MSRA: variants seen among roughly 807,000 people sequenced by gnomAD.
MSRA encodes mitochondrial peptide methionine sulfoxide reductase.
Under a neutral mutation model 31.3 loss-of-function variants are expected in MSRA, and 54 were observed. That is an observed-to-expected ratio of 1.73 (90% CI 1.39 to 2.17). The LOEUF is 2.17. Ranked by LOEUF, MSRA falls within the 30% of genes most tolerant of loss-of-function variation. The pLI is 0.00. For missense variants in MSRA, 507 were observed against 300.9 expected (o/e 1.69, Z -5.07); for synonymous variants, 169 against 116.5 (o/e 1.45, Z -2.90).
chr8:10,182,458 C>T (rs1806629026), intron 1 of MSRA, among the ~76,000 whole-genome samples: 1 of 152,198 alleles, frequency 6.6e-6, no homozygotes, highest in African/African-American at 2.4e-5. Flanking sequence ...AGGCTACCCT[C>T]AAGATGTTAG....
chr8:10,314,983 C>T (rs550734557), intron 4 of MSRA, among the ~76,000 whole-genome samples: 57 of 152,292 alleles, frequency 3.7e-4, no homozygotes, highest in Non-Finnish European at 6.5e-4. Context: ...CCCCAAGTTC[C>T]ACATGGCTGG....
intron 1 of MSRA, among the ~76,000 whole-genome samples, chr8:10,147,259 G>A (rs1478595113): frequency 6.6e-6 from 1 of 152,122 alleles, no homozygotes; most frequent in African/African-American, 2.4e-5. Context: ...TGGATTCAAG[G>A]AACCGGCGAT....
chr8:10,234,134 G>C (rs1229551413), intron 2 of MSRA, among the ~76,000 whole-genome samples: 1 of 152,016 alleles, frequency 6.6e-6, no homozygotes, highest in African/African-American at 2.4e-5. Context: ...CTCATAGACA[G>C]TTACTATAAA....
intron 2 of MSRA, among the ~76,000 whole-genome samples, chr8:10,238,158 C>T (rs888814992): frequency 6.6e-6 from 1 of 152,178 alleles, no homozygotes; most frequent in Non-Finnish European, 1.5e-5. Context: ...TTAGAAATAG[C>T]AGGCACATTC....
At chr8:10,178,941 T>C (rs1182824084) in intron 1 of MSRA, among the ~76,000 whole-genome samples, 1 of 152,184 alleles carries the variant, frequency 6.6e-6, no homozygotes, top group African/African-American at 2.4e-5. Flanking sequence ...TCTTGGTAAT[T>C]TTGTTGGTTT....
chr8:10,385,693 G>A (rs1049086435), intron 5 of MSRA, among the ~76,000 whole-genome samples: 1 of 152,126 alleles, frequency 6.6e-6, no homozygotes, highest in Non-Finnish European at 1.5e-5. Flanking sequence ...AAGAGGCAGT[G>A]AAGTCATGGT....
At chr8:10,301,169 G>T (rs1348848490) in intron 3 of MSRA, among the ~76,000 whole-genome samples, 1 of 152,120 alleles carries the variant, frequency 6.6e-6, no homozygotes, top group East Asian at 1.9e-4. Context: ...AAATAAATTG[G>T]CTCTTTCCCT....
At chr8:10,224,820 T>C (rs996875909) in intron 2 of MSRA, among the ~76,000 whole-genome samples, 2 of 152,210 alleles carry the variant, frequency 1.3e-5, no homozygotes, top group Non-Finnish European at 2.9e-5. Context: ...CTGCAGAACC[T>C]AATTTCAATC....
chr8:10,421,671 C>A (rs1808818762), intron 5 of MSRA, among the ~76,000 whole-genome samples: 1 of 152,166 alleles, frequency 6.6e-6, no homozygotes, highest in African/African-American at 2.4e-5. Context: ...ACGGATGGGA[C>A]CTGCTGTGCC....
intron 1 of MSRA, among the ~76,000 whole-genome samples, chr8:10,151,667 A>C (rs1438834911): frequency 2.0e-5 from 3 of 152,136 alleles, no homozygotes; most frequent in Non-Finnish European, 4.4e-5. Context: ...AAACAAAACA[A>C]AGAGAACATT....
At position 10,079,102 on chromosome 8, in the gene MSRA, G is replaced by A. The variant is rs1361614172; in HGVS notation, c.142+24444G>A. On this transcript the variant is annotated intron_variant, in intron 1 of 5. Transcript: ENST00000317173. ...CCGCAGAGTTTAGCGTTGCCCGCAG[G>A]CTCATAGGTGTCAAGAACCAGGTGA... Among the ~76,000 whole-genome samples the A allele has an allele frequency of 2.6e-5, 4 of 152,102 alleles. No homozygotes were observed. In the East Asian group the frequency reaches 7.7e-4, roughly 29 times the overall value.
At chr8:10,245,299 T>C in intron 3 of MSRA, 76 bp downstream of exon 3, 1 of 1,340,104 alleles carries the variant, frequency 7.5e-7, no homozygotes, top group Non-Finnish European at 1.0e-6. Flanking sequence ...TGACAGGCTC[T>C]TTAAAATGGA....
At chr8:10,096,993 GC>G (rs1799201187) in intron 1 of MSRA, among the ~76,000 whole-genome samples, 2 of 152,162 alleles carry the variant, frequency 1.3e-5, no homozygotes, top group African/African-American at 4.8e-5. Flanking sequence ...ATAAAAGACT[GC>G]CCCTGGATCT....
intron 1 of MSRA, among the ~76,000 whole-genome samples, chr8:10,153,252 C>T (rs1803865185): frequency 6.6e-6 from 1 of 152,110 alleles, no homozygotes; most frequent in Non-Finnish European, 1.5e-5. Flanking sequence ...GGACCGTTGT[C>T]TGGGGGGAGC....
chr8:10,322,834 C>T (rs113074282), intron 5 of MSRA, among the ~76,000 whole-genome samples: 2 of 152,036 alleles, frequency 1.3e-5, no homozygotes, highest in Non-Finnish European at 2.9e-5. Flanking sequence ...ACTCACGCCT[C>T]TAATCCCAGC....
In MSRA at chr8:10,391,306, A is replaced by T. The variant is rs969547242; in HGVS notation, c.544-36842A>T. 5.9e-5 allele frequency among the ~76,000 whole-genome samples: 9 copies of T among 152,302 alleles called. No individual in the cohort carries two copies. The East Asian group carries it at 1.5e-3, about 26-fold the overall frequency. On this transcript the variant is annotated intron_variant, in intron 5 of 5. Coordinates refer to ENST00000317173, the MANE Select transcript of MSRA (RefSeq NM_012331.5). The stretch of plus-strand genomic sequence containing the variant: ...CTCAAGGTCTGCTCTGGCCCCTGAC[A>T]TATTCAATGCTCTTGGCAACTTAAG...
chr8:10,148,613 C>G (rs980363788), intron 1 of MSRA, among the ~76,000 whole-genome samples: 1 of 151,030 alleles, frequency 6.6e-6, no homozygotes, highest in Non-Finnish European at 1.5e-5. Context: ...CACCATTGCA[C>G]TTCAGCCTGG....
At chr8:10,195,410 T>A (rs1277996121) in intron 1 of MSRA, among the ~76,000 whole-genome samples, 1 of 152,198 alleles carries the variant, frequency 6.6e-6, no homozygotes, top group Non-Finnish European at 1.5e-5. Context: ...CAGGCTAATT[T>A]TTTGTATTTT....
chr8:10,167,215 C>T (rs1045288797), intron 1 of MSRA, among the ~76,000 whole-genome samples: 3 of 152,204 alleles, frequency 2.0e-5, no homozygotes, highest in Admixed American at 2.0e-4. Flanking sequence ...CCCACTGCAG[C>T]TGAGTTCTGC....
Sources: allele counts gnomAD v4.1 joint callset (sites outside exome capture counted in the v4.1 genomes callset), GRCh38; gene constraint gnomAD v4.1.1; transcripts MANE v1.5; gene names NCBI Gene and HGNC (gene_info 2026-07-23, HGNC 2026-07-21).